Variants in MYO16 observed in about 807,000 individuals in gnomAD.
MYO16 encodes unconventional myosin-XVI.
A neutral mutation model predicts 205.3 loss-of-function variants in MYO16; 94 were observed. The ratio of observed to expected loss-of-function variants is 0.46; its 90% CI spans 0.39 to 0.54. MYO16 has a LOEUF of 0.54. Ranked by LOEUF, MYO16 falls within the 20% of genes least tolerant of loss-of-function variation. The pLI, the probability that MYO16 is intolerant of heterozygous loss-of-function variation, is 0.00. For synonymous variants in MYO16, 988 were observed against 954.0 expected (o/e 1.04, Z -0.66); for missense variants, 2,315 against 2,387.5 (o/e 0.97, Z 0.63).
At chr13:108,835,088 AT>A (rs1013939872) in intron 9 of MYO16, among the ~76,000 whole-genome samples, 36 of 88,560 alleles carry the variant, frequency 4.1e-4, no homozygotes, top group South Asian at 1.3e-3. Flanking sequence ...ATTACTTAGA[AT>A]TTTTTTTTTC....
chr13:108,759,035 TA>T (rs1885512089), intron 4 of MYO16, among the ~76,000 whole-genome samples: 1 of 152,230 alleles, frequency 6.6e-6, no homozygotes, highest in Non-Finnish European at 1.5e-5. Context: ...TCAATGAAGA[TA>T]TTATGAAATC....
At chr13:108,568,751 A>G in the MYO16 span, among the ~76,000 whole-genome samples, 3 of 151,928 alleles carry the variant, frequency 2.0e-5, no homozygotes, top group Non-Finnish European at 4.4e-5. Context: ...TTGATGTCAT[A>G]TCTAAAAAAC....
chr13:108,616,700 C>G (rs146638137), intron 1 of MYO16, among the ~76,000 whole-genome samples: 5 of 152,220 alleles, frequency 3.3e-5, no homozygotes, highest in Non-Finnish European at 7.4e-5. Flanking sequence ...ATTTTAGAAA[C>G]TACTTATTGT....
chr13:108,755,728 A>G (rs9587669), intron 4 of MYO16, among the ~76,000 whole-genome samples: 5,285 of 152,224 alleles, frequency 0.035, 309 homozygotes, highest in African/African-American at 0.12. Context: ...ATCATTTATT[A>G]TGATTGCCAA....
chr13:108,962,314 T>G, intron 18 of MYO16, 110 bp from the exon 19 acceptor site: 1 of 753,980 alleles, frequency 1.3e-6, no homozygotes, highest in Non-Finnish European at 2.2e-6. Context: ...AAAATACTCA[T>G]GTTTTGTAAT....
chr13:109,097,373 A>G (rs1000498760), intron 27 of MYO16, among the ~76,000 whole-genome samples: 2 of 152,044 alleles, frequency 1.3e-5, no homozygotes, highest in Admixed American at 1.3e-4. Context: ...GGGGATGCCC[A>G]TAACCTTCTG....
intron 16 of MYO16, among the ~76,000 whole-genome samples, chr13:108,945,022 T>C (rs1675642973): frequency 6.6e-6 from 1 of 152,222 alleles, no homozygotes; most frequent in Non-Finnish European, 1.5e-5. Flanking sequence ...CCAGTATGCG[T>C]GCTTGTCTCG....
chr13:108,516,691 T>A, the MYO16 span, among the ~76,000 whole-genome samples: 2 of 152,176 alleles, frequency 1.3e-5, no homozygotes, highest in South Asian at 4.1e-4. Flanking sequence ...TTTATTTATT[T>A]TGCTTTTCTC....
chr13:109,166,771 G>C (rs1296426510), intron 33 of MYO16: 3 of 152,232 alleles, frequency 2.0e-5, no homozygotes, highest in African/African-American at 7.2e-5. Context: ...AATAAATTCA[G>C]TGTCTTTCAA....
intron 3 of MYO16, among the ~76,000 whole-genome samples, chr13:108,726,574 A>G (rs576953095): frequency 0.032 from 1,583 of 49,788 alleles, 25 homozygotes; most frequent in Non-Finnish European, 0.067. Context: ...AAAAAAAAAG[A>G]AAAAGAAAAA....
At chr13:108,871,344 G>GTGTGTGTGTGTA (rs1566380710) in intron 12 of MYO16, among the ~76,000 whole-genome samples, 1 of 143,722 alleles carries the variant, frequency 7.0e-6, no homozygotes, top group Non-Finnish European at 1.5e-5. Context: ...GTGTGTGTGT[G>GTGTGTGTGTGTA]TGTGTGTGTG....
intron 4 of MYO16, among the ~76,000 whole-genome samples, chr13:108,741,025 T>C (rs1345472407): frequency 6.6e-6 from 1 of 152,164 alleles, no homozygotes; most frequent in East Asian, 1.9e-4. Flanking sequence ...TTCCAGGTGC[T>C]GTCTGTCATG....
intron 14 of MYO16, 27 bp downstream of exon 14, chr13:108,888,504 T>C (rs1362480749): frequency 6.6e-7 from 1 of 1,508,246 alleles, no homozygotes; most frequent in Admixed American, 1.8e-5. Context: ...GGTTGGCAAA[T>C]ATGTGAATGA....
chr13:108,853,954 TTGTG>T (rs5806760), intron 10 of MYO16, among the ~76,000 whole-genome samples: 46 of 138,590 alleles, frequency 3.3e-4, no homozygotes, highest in South Asian at 2.8e-3. Context: ...GTTTCTATTA[TTGTG>T]TGTGTGTGTG....
chr13:109,048,215 A>T (rs1887113762), intron 24 of MYO16: 1 of 553,182 alleles, frequency 1.8e-6, no homozygotes, highest in Non-Finnish European at 3.3e-6. Flanking sequence ...TTAGAATGAA[A>T]ATATGATGGC....
At chr13:109,032,161 G>A (rs1261007926) in intron 23 of MYO16, among the ~76,000 whole-genome samples, 1 of 151,996 alleles carries the variant, frequency 6.6e-6, no homozygotes, top group Non-Finnish European at 1.5e-5. Context: ...CCTGGTTTTG[G>A]GGTTGATTCC....
chr13:109,023,566 AATAC>A (rs1390274099), intron 23 of MYO16, among the ~76,000 whole-genome samples: 1 of 123,762 alleles, frequency 8.1e-6, no homozygotes, highest in East Asian at 2.3e-4. Flanking sequence ...TATATATACA[AATAC>A]ATGTATATAT....
intron 15 of MYO16, among the ~76,000 whole-genome samples, chr13:108,898,620 A>C (rs1880556907): frequency 6.6e-6 from 1 of 152,126 alleles, no homozygotes. Flanking sequence ...CACATAATAC[A>C]CATTGAAATC....
intron 6 of MYO16, among the ~76,000 whole-genome samples, chr13:108,799,353 A>G (rs1045757204): frequency 1.3e-5 from 2 of 152,250 alleles, no homozygotes; most frequent in African/African-American, 2.4e-5. Flanking sequence ...CCTAGAAAAT[A>G]AATTATGTTG....
Sources: gnomAD v4.1 joint callset for allele counts (sites outside exome capture counted in the v4.1 genomes callset) on GRCh38, gnomAD v4.1.1 for gene constraint, MANE v1.5 for transcripts, NCBI Gene and HGNC (gene_info 2026-07-23, HGNC 2026-07-21) for gene names.